The following PARD3 variants were observed in gnomAD, a reference collection of about 807,000 sequenced individuals.
PARD3 encodes partitioning defective 3 homolog.
Under a neutral mutation model 155.4 loss-of-function variants are expected in PARD3, and 75 were observed. That is an observed-to-expected ratio of 0.48 (90% CI 0.40 to 0.58). PARD3 has a LOEUF of 0.58. Among genes scored for constraint, PARD3 ranks in the 20% least tolerant of loss-of-function variants. The pLI is 0.00. For missense variants in PARD3, 1,642 were observed against 1,721.7 expected (o/e 0.95, Z 0.82); for synonymous variants, 576 against 610.5 (o/e 0.94, Z 0.83).
At chr10:34,344,464 G>T in intron 15 of PARD3, 1 of 570,470 alleles carries the variant, frequency 1.8e-6, no homozygotes, top group Non-Finnish European at 2.2e-6. Flanking sequence ...TGTATTTTTC[G>T]TAGAGACAGG....
At chr10:34,776,846 G>GGC (rs1170177196) in intron 1 of PARD3, among the ~76,000 whole-genome samples, 3 of 123,010 alleles carry the variant, frequency 2.4e-5, no homozygotes, top group African/African-American at 9.3e-5. Flanking sequence ...GGGGGGGGGG[G>GGC]GCGGGTGGGG....
chr10:34,638,893 TTC>T (rs1394977910), intron 2 of PARD3, among the ~76,000 whole-genome samples: 1 of 152,220 alleles, frequency 6.6e-6, no homozygotes, highest in Non-Finnish European at 1.5e-5. Flanking sequence ...TGATTTATAG[TTC>T]TCTCTCTGGG....
intron 22 of PARD3, among the ~76,000 whole-genome samples, chr10:34,241,889 T>C (rs887988257): frequency 2.0e-5 from 3 of 152,194 alleles, no homozygotes; most frequent in Admixed American, 1.3e-4. Context: ...CACAAACAGC[T>C]GTATCTGTTT....
chr10:34,355,328 G>C (rs1422279959), intron 14 of PARD3, among the ~76,000 whole-genome samples: 1 of 151,810 alleles, frequency 6.6e-6, no homozygotes, highest in Non-Finnish European at 1.5e-5. Context: ...AGAGCAAGAC[G>C]CTGTCTCCAA....
intron 4 of PARD3, among the ~76,000 whole-genome samples, chr10:34,466,718 A>G (rs1206402694): frequency 3.3e-5 from 5 of 152,134 alleles, no homozygotes; most frequent in African/African-American, 1.2e-4. Context: ...TGGGCTTAAC[A>G]GAAATAAATA....
In PARD3 at chr10:34,636,245, A is replaced by G. The variant is rs527460682; in HGVS notation, c.222+60073T>C. ...GGGCCAGCACTCCCTGTACACCTGC[A>G]GACAAACCCTCCCCTGCAATCCACG... is the stretch of plus-strand genomic sequence containing the variant. On this transcript the variant is annotated intron_variant, in intron 2 of 24. Transcript: ENST00000374788. Among the ~76,000 whole-genome samples the G allele has an allele frequency of 5.9e-5, 9 of 152,280 alleles. No individual in the cohort carries two copies. In the East Asian group the frequency reaches 1.5e-3, roughly 26 times the overall value.
chr10:34,244,174 T>C (rs1953789036), intron 22 of PARD3, among the ~76,000 whole-genome samples: 1 of 152,232 alleles, frequency 6.6e-6, no homozygotes, highest in Non-Finnish European at 1.5e-5. Context: ...AATATTGCAG[T>C]ACAGTAACAG....
At chr10:34,456,631 C>T (rs2077355941) in intron 4 of PARD3, among the ~76,000 whole-genome samples, 1 of 152,086 alleles carries the variant, frequency 6.6e-6, no homozygotes, top group Admixed American at 6.5e-5. Context: ...AAGTTTTGAA[C>T]AGGAGTAAGT....
intron 3 of PARD3, among the ~76,000 whole-genome samples, chr10:34,473,603 A>G (rs559794625): frequency 1.6e-4 from 24 of 152,278 alleles, no homozygotes; most frequent in African/African-American, 5.5e-4. Flanking sequence ...ACTTGACTGC[A>G]GAGGCAGGGC....
chr10:34,761,350 G>A (rs900556684), intron 1 of PARD3, among the ~76,000 whole-genome samples: 4 of 152,170 alleles, frequency 2.6e-5, no homozygotes, highest in African/African-American at 9.7e-5. Context: ...GGCTGAGGTT[G>A]CAGTGAACCA....
At chr10:34,425,331 C>T (rs2075542137) in intron 5 of PARD3, among the ~76,000 whole-genome samples, 1 of 152,130 alleles carries the variant, frequency 6.6e-6, no homozygotes, top group South Asian at 2.1e-4. Flanking sequence ...CAACCAGAAC[C>T]CAATCTAAGT....
intron 20 of PARD3, among the ~76,000 whole-genome samples, chr10:34,287,722 T>A (rs925637861): frequency 6.6e-6 from 1 of 152,222 alleles, no homozygotes; most frequent in East Asian, 1.9e-4. Flanking sequence ...TCAATCAACC[T>A]TCATCTTTTT....
intron 5 of PARD3, 107 bp downstream of exon 5, chr10:34,450,210 A>G: frequency 9.6e-7 from 1 of 1,044,348 alleles, no homozygotes; most frequent in East Asian, 2.4e-5. Flanking sequence ...GTTTGTTAGA[A>G]TAATTAACTT....
At position 34,624,227 on chromosome 10, in the gene PARD3, G is replaced by C. The variant is rs555055487; in HGVS notation, c.222+72091C>G. 4.1e-4 allele frequency among the ~76,000 whole-genome samples: 62 copies of C among 152,326 alleles called. 1 individual carries two copies. Among genetic ancestry groups the C allele is most frequent in the South Asian group, 1.0e-3 (5 of 4,830 alleles). On this transcript the variant is annotated intron_variant, in intron 2 of 24. Transcript: ENST00000374788. The stretch of plus-strand genomic sequence containing the variant: ...GACCTTGTTCTAAGCAGGAAAAGGT[G>C]TGTAACAAGTTAAACGGCCCTTTCT...
chr10:34,503,377 G>C (rs2080842496), intron 3 of PARD3, among the ~76,000 whole-genome samples: 1 of 152,022 alleles, frequency 6.6e-6, no homozygotes, highest in African/African-American at 2.4e-5. Flanking sequence ...ATTATGGTTG[G>C]GCAGAGGCAT....
At chr10:34,174,228 C>T (rs920419890) in intron 22 of PARD3, among the ~76,000 whole-genome samples, 3 of 152,178 alleles carry the variant, frequency 2.0e-5, no homozygotes, top group Non-Finnish European at 4.4e-5. Context: ...AAAGATACTA[C>T]CATCATAAAT....
At chr10:34,271,132 C>G (rs1006145664) in intron 21 of PARD3, among the ~76,000 whole-genome samples, 2 of 152,060 alleles carry the variant, frequency 1.3e-5, no homozygotes, top group Admixed American at 1.3e-4. Context: ...TGCAGTTATT[C>G]TTTTCATGTT....
In PARD3 at chr10:34,111,009, A is replaced by T; in HGVS notation, c.*160T>A. The T allele has an allele frequency of 1.5e-6, 1 of 680,822 alleles. No homozygotes were observed. Among genetic ancestry groups the T allele is most frequent in the Non-Finnish European group, 2.4e-6 (1 of 420,738 alleles). The allele number at this position is 680,822 out of a possible 1,614,324, so 42.2% of individuals were successfully genotyped here. A position where few individuals can be genotyped will look rare whatever the true frequency, so the allele number is the denominator to read the frequency against. ...CTTGAGACATAGTGGCAAAGACATT[A>T]AGGCCTTCCATTTCTTTGCCTACAC... On this transcript the variant is annotated 3_prime_UTR_variant, in exon 25 of 25. Coordinates refer to ENST00000374788, the MANE Select transcript of PARD3 (RefSeq NM_001184785.2).
At chr10:34,329,602 G>A (rs977079160) in intron 19 of PARD3, among the ~76,000 whole-genome samples, 2 of 152,134 alleles carry the variant, frequency 1.3e-5, no homozygotes, top group Non-Finnish European at 2.9e-5. Context: ...ACAGCCGGGA[G>A]GAAGAGGTGG....
Sources: gnomAD v4.1 joint callset for allele counts (sites outside exome capture counted in the v4.1 genomes callset) on GRCh38, gnomAD v4.1.1 for gene constraint, MANE v1.5 for transcripts, NCBI Gene and HGNC (gene_info 2026-07-23, HGNC 2026-07-21) for gene names.